CORO2B: variants seen among roughly 807,000 people sequenced by gnomAD.
CORO2B encodes coronin 2B.
In CORO2B, 26 loss-of-function variants were observed where a neutral mutation model predicts 58.8. That is an observed-to-expected ratio of 0.44 (90% CI 0.32 to 0.61). The LOEUF is 0.61. Among genes scored for constraint, CORO2B ranks in the 20% least tolerant of loss-of-function variants. CORO2B has a pLI of 0.04. For missense variants in CORO2B, 460 were observed against 645.1 expected, an observed-to-expected ratio of 0.71 and a Z score of 3.11; for synonymous variants, 242 against 253.8, an observed-to-expected ratio of 0.95 and a Z score of 0.44.
intron 1 of CORO2B, among the ~76,000 whole-genome samples, chr15:68,609,774 G>A (rs1325521218): frequency 6.6e-6 from 1 of 152,190 alleles, no homozygotes; most frequent in African/African-American, 2.4e-5. Flanking sequence ...GGGGTGAGCT[G>A]GGGTCAGCCC....
chr15:68,660,875 T>C (rs1199049373), intron 2 of CORO2B, among the ~76,000 whole-genome samples: 1 of 152,238 alleles, frequency 6.6e-6, no homozygotes, highest in East Asian at 1.9e-4. Flanking sequence ...TCTTCAACTA[T>C]GTAATCCTTC....
intron 1 of CORO2B, among the ~76,000 whole-genome samples, chr15:68,623,855 A>G (rs774827685): frequency 6.6e-6 from 1 of 152,100 alleles, no homozygotes; most frequent in Non-Finnish European, 1.5e-5. Context: ...TGTCGACACC[A>G]CGGATTACAG....
At chr15:68,684,073 T>G (rs1338918822) in intron 2 of CORO2B, among the ~76,000 whole-genome samples, 1 of 152,058 alleles carries the variant, frequency 6.6e-6, no homozygotes, top group Non-Finnish European at 1.5e-5. Context: ...TAAGGTGGAT[T>G]GGAGAGAGAA....
At chr15:68,708,708 C>A (rs897893127) in intron 3 of CORO2B, among the ~76,000 whole-genome samples, 1 of 151,850 alleles carries the variant, frequency 6.6e-6, no homozygotes, top group African/African-American at 2.4e-5. Flanking sequence ...GAGACAGAGT[C>A]TCGCTCTGTT....
In CORO2B at chr15:68,676,987, T is replaced by C. The variant is rs190812214; in HGVS notation, c.217-18153T>C. 7.9e-5 allele frequency among the ~76,000 whole-genome samples: 12 copies of C among 152,266 alleles called. No homozygotes were observed. In the East Asian group the frequency reaches 1.9e-3, roughly 25 times the overall value. On this transcript the variant is annotated intron_variant, in intron 2 of 11. Transcript: ENST00000261861. ...ACAGGTTTCACTGTGCTGCCCAGGC[T>C]GGTCTTGAACTCCTGTGTTCAAGTG...
chr15:68,683,032 G>A (rs888704984), intron 2 of CORO2B, among the ~76,000 whole-genome samples: 1 of 152,202 alleles, frequency 6.6e-6, no homozygotes, highest in Non-Finnish European at 1.5e-5. Flanking sequence ...ATGCACACAG[G>A]AGAAGTTCTG....
the CORO2B span, among the ~76,000 whole-genome samples, chr15:68,564,814 C>T: frequency 6.6e-6 from 1 of 152,178 alleles, no homozygotes; most frequent in Non-Finnish European, 1.5e-5. Flanking sequence ...AGAAGAAAAA[C>T]TTCAGAAGGT....
chr15:68,583,425 C>T (rs1899477752), intron 1 of CORO2B, among the ~76,000 whole-genome samples: 1 of 152,206 alleles, frequency 6.6e-6, no homozygotes, highest in African/African-American at 2.4e-5. Flanking sequence ...GGTCAGTGCT[C>T]TTTCCACCCG....
chr15:68,551,984 C>A, the CORO2B span, among the ~76,000 whole-genome samples: 10 of 151,998 alleles, frequency 6.6e-5, no homozygotes, highest in Non-Finnish European at 4.4e-5. Context: ...GGAGACCTGG[C>A]AGGGAGCACG....
intron 2 of CORO2B, among the ~76,000 whole-genome samples, chr15:68,673,999 TAGA>T (rs1404496903): frequency 2.0e-5 from 3 of 152,062 alleles, no homozygotes; most frequent in African/African-American, 4.8e-5. Flanking sequence ...TGGCAAAAGT[TAGA>T]AGGAGGCGGA....
chr15:68,608,264 T>C (rs1900170162), intron 1 of CORO2B, among the ~76,000 whole-genome samples: 1 of 152,256 alleles, frequency 6.6e-6, no homozygotes, highest in South Asian at 2.1e-4. Flanking sequence ...TGATCAGGGC[T>C]TGGCCTCCTG....
At position 68,707,258 on chromosome 15, in the gene CORO2B, C is replaced by G. The variant is rs72748595; in HGVS notation, c.334-3474C>G. Among the ~76,000 whole-genome samples the G allele has an allele frequency of 9.7e-3, 1,471 of 152,186 alleles. 9 individuals carry two copies. Among genetic ancestry groups the G allele is most frequent in the Non-Finnish European group, 0.014 (960 of 68,012 alleles). ...TTTGACCTATCAGATGGGTAAAAAT[C>G]CAGTTTTTTAAAGGTATAGTTTTAG... On this transcript the variant is annotated intron_variant, in intron 3 of 11. Coordinates refer to ENST00000261861, the MANE Select transcript of CORO2B (RefSeq NM_006091.5).
chr15:68,654,398 T>G (rs1208273280), intron 2 of CORO2B, among the ~76,000 whole-genome samples: 3 of 152,212 alleles, frequency 2.0e-5, no homozygotes, highest in African/African-American at 7.2e-5. Flanking sequence ...TCTCATTCCT[T>G]GCAGAGCCAG....
chr15:68,619,707 G>T (rs559335188), intron 1 of CORO2B, among the ~76,000 whole-genome samples: 143 of 152,098 alleles, frequency 9.4e-4, no homozygotes, highest in African/African-American at 3.4e-3. Context: ...ATACATATGT[G>T]TACCCATACA....
At chr15:68,592,021 C>T (rs1022963611) in intron 1 of CORO2B, among the ~76,000 whole-genome samples, 1 of 152,142 alleles carries the variant, frequency 6.6e-6, no homozygotes, top group Admixed American at 6.5e-5. Context: ...CTTCTGGATG[C>T]GAGTTTATGC....
At chr15:68,724,011 G>C (rs1893232407) in intron 11 of CORO2B, among the ~76,000 whole-genome samples, 1 of 151,932 alleles carries the variant, frequency 6.6e-6, no homozygotes, top group East Asian at 2.0e-4. Context: ...AGACCAGCCT[G>C]GCCAACATGG....
At chr15:68,535,622 T>TGAGA in the CORO2B span, among the ~76,000 whole-genome samples, 328 of 151,924 alleles carry the variant, frequency 2.2e-3, no homozygotes, top group African/African-American at 7.4e-3. Context: ...TTGGGGTTCC[T>TGAGA]GAGAGAGAGA....
the CORO2B span, among the ~76,000 whole-genome samples, chr15:68,546,902 T>G: frequency 6.6e-6 from 1 of 152,164 alleles, no homozygotes. Flanking sequence ...TCAGGAGACT[T>G]TCACCCTCTC....
intron 1 of CORO2B, among the ~76,000 whole-genome samples, chr15:68,619,195 A>G (rs571298390): frequency 6.6e-6 from 1 of 152,274 alleles, no homozygotes; most frequent in South Asian, 2.1e-4. Flanking sequence ...CAGAGCCCCA[A>G]TCTGTGTTAC....
Sources: gnomAD v4.1 joint callset for allele counts (sites outside exome capture counted in the v4.1 genomes callset) on GRCh38, gnomAD v4.1.1 for gene constraint, MANE v1.5 for transcripts, NCBI Gene and HGNC (gene_info 2026-07-23, HGNC 2026-07-21) for gene names.